Variants in DAB2IP observed in about 807,000 individuals in gnomAD.
DAB2IP encodes the protein DAB2 interacting protein.
DAB2IP carries 28 observed loss-of-function variants against 107.2 expected under a neutral mutation model. That is an observed-to-expected ratio of 0.26 (90% CI 0.19 to 0.36). The LOEUF (loss-of-function observed/expected upper bound fraction) is 0.36, where lower values mean the gene tolerates loss of function less well. Ranked by LOEUF, DAB2IP falls within the 10% of genes least tolerant of loss-of-function variation. The pLI, the probability that DAB2IP is intolerant of heterozygous loss-of-function variation, is 1.00. For missense variants in DAB2IP, 1,400 were observed against 1,644.7 expected (o/e 0.85, Z 2.57); for synonymous variants, 755 against 706.4 (o/e 1.07, Z -1.09).
At chr9:121,665,442 A>C (rs1024115143) in intron 1 of DAB2IP, among the ~76,000 whole-genome samples, 2 of 152,246 alleles carry the variant, frequency 1.3e-5, no homozygotes, top group African/African-American at 4.8e-5. Flanking sequence ...ATGAAAAATA[A>C]GATGAATTAA....
At chr9:121,770,356 G>A (rs893718784) in intron 10 of DAB2IP, among the ~76,000 whole-genome samples, 190 bp from the exon 11 acceptor site, 36 of 152,206 alleles carry the variant, frequency 2.4e-4, no homozygotes, top group Non-Finnish European at 5.0e-4. Context: ...CCGGGAGCTG[G>A]TTAAAAATGT....
intron 1 of DAB2IP, chr9:121,598,413 C>T (rs1830576066): frequency 6.6e-6 from 1 of 152,306 alleles, no homozygotes; most frequent in African/African-American, 2.4e-5. Flanking sequence ...TCACCCCGGG[C>T]CTGGCCCGGG....
intron 1 of DAB2IP, among the ~76,000 whole-genome samples, chr9:121,638,210 A>G (rs932487715): frequency 1.6e-4 from 24 of 152,344 alleles, no homozygotes; most frequent in African/African-American, 5.5e-4. Flanking sequence ...TGTACTGAAC[A>G]TGTACAGACT....
At chr9:121,705,820 A>G (rs563196239) in intron 3 of DAB2IP, among the ~76,000 whole-genome samples, 113 of 152,288 alleles carry the variant, frequency 7.4e-4, no homozygotes, top group African/African-American at 2.6e-3. Context: ...AGCCCTGCCT[A>G]TTTCCAGGCC....
Position 121,698,547 on chromosome 9 carries a change from C to T in DAB2IP, c.229-778C>T, listed in dbSNP as rs1231525524. 1.3e-5 allele frequency among the ~76,000 whole-genome samples: 2 copies of T among 152,226 alleles called. No homozygotes were observed. The highest frequency in any genetic ancestry group is 2.9e-5 in the Non-Finnish European group (2 of 68,034). On this transcript the variant is annotated intron_variant, in intron 2 of 15. Coordinates refer to ENST00000408936, the Ensembl canonical transcript of DAB2IP. This position sits in a 1 kb window ranked among gnomAD's most constrained non-coding sequence, Gnocchi z 4.1. ...TTTTAATGGGGATACTCAGCAAACCCTTCAGCCCCTCGGGCCCCTCCCTGA... is the reference window on the plus strand; with the variant it reads ...TTTTAATGGGGATACTCAGCAAACCTTTCAGCCCCTCGGGCCCCTCCCTGA...
intron 1 of DAB2IP, among the ~76,000 whole-genome samples, chr9:121,654,425 C>T (rs1832890382): frequency 6.6e-6 from 1 of 151,980 alleles, no homozygotes; most frequent in African/African-American, 2.4e-5. Flanking sequence ...GACCCTGTCT[C>T]AATATTGTTT....
At chr9:121,617,129 G>C (rs559551130) in intron 1 of DAB2IP, among the ~76,000 whole-genome samples, 70 of 152,234 alleles carry the variant, frequency 4.6e-4, no homozygotes, top group Admixed American at 1.1e-3. Flanking sequence ...AGGTCAGGAG[G>C]TCGAGACCAG....
intron 1 of DAB2IP, among the ~76,000 whole-genome samples, chr9:121,667,773 C>G (rs768066554): frequency 6.6e-6 from 1 of 152,088 alleles, no homozygotes; most frequent in Non-Finnish European, 1.5e-5. Flanking sequence ...GTTGGGATTA[C>G]AGGCGTGAGC....
At chr9:121,589,779 G>T (rs572183240) in intron 1 of DAB2IP, among the ~76,000 whole-genome samples, 1 of 152,280 alleles carries the variant, frequency 6.6e-6, no homozygotes, top group Admixed American at 6.5e-5. Context: ...TACATCCAGT[G>T]ACTGACCAAC....
chr9:121,623,582 G>A (rs1287943619), intron 1 of DAB2IP, among the ~76,000 whole-genome samples: 3 of 152,160 alleles, frequency 2.0e-5, no homozygotes, highest in South Asian at 2.1e-4. Context: ...TGCCCAGGCT[G>A]GTCTTGAACT....
intron 1 of DAB2IP, among the ~76,000 whole-genome samples, chr9:121,640,901 G>C (rs1832264334): frequency 6.6e-6 from 1 of 152,202 alleles, no homozygotes; most frequent in Non-Finnish European, 1.5e-5. Context: ...GGGCTGGTTT[G>C]GTAGTGAGCT....
chr9:121,594,771 A>AC (rs1830493791), intron 1 of DAB2IP, among the ~76,000 whole-genome samples: 1 of 152,172 alleles, frequency 6.6e-6, no homozygotes, highest in Admixed American at 6.5e-5. Context: ...CAGGACACAG[A>AC]CCCATAGCAA....
At chr9:121,642,639 CA>C (rs1832403557) in intron 1 of DAB2IP, among the ~76,000 whole-genome samples, 1 of 142,598 alleles carries the variant, frequency 7.0e-6, no homozygotes, top group Non-Finnish European at 1.5e-5. Context: ...AAAAAAAGAA[CA>C]GGGGCTTTGA....
chr9:121,678,694 G>C (rs767098352), exon 2 of DAB2IP: 2 of 1,576,080 alleles, frequency 1.3e-6, no homozygotes, highest in Admixed American at 1.8e-5. Flanking sequence ...CTCAAGAAAG[G>C]CCGGGCTCTC....
intron 3 of DAB2IP, among the ~76,000 whole-genome samples, chr9:121,708,080 T>C (rs1459137567): frequency 3.9e-5 from 6 of 152,210 alleles, no homozygotes; most frequent in African/African-American, 1.4e-4. Flanking sequence ...ACCCTCTGGG[T>C]GGGGTGGTCT....
rs369052031 is a variant in DAB2IP at position 121,777,399 on chromosome 9, A to G, written c.3314+1008A>G. Among the ~76,000 whole-genome samples the G allele has an allele frequency of 3.9e-5, 6 of 152,232 alleles. No individual in the cohort carries two copies. In the East Asian group the frequency reaches 9.6e-4, roughly 24 times the overall value. ...CATTATGAAATAGTTAACATGAGTG[A>G]AACCAGGGTGGCTAGAAACCTGCTG... On this transcript the variant is annotated intron_variant, in intron 14 of 15. Transcript: ENST00000408936.
intron 1 of DAB2IP, among the ~76,000 whole-genome samples, chr9:121,611,818 C>A (rs1056227777): frequency 6.6e-6 from 1 of 152,124 alleles, no homozygotes; most frequent in Non-Finnish European, 1.5e-5. Flanking sequence ...CTCCTGGCCT[C>A]AAGTGATCCA....
chr9:121,619,719 G>T (rs149858829), intron 1 of DAB2IP, among the ~76,000 whole-genome samples: 70 of 152,228 alleles, frequency 4.6e-4, no homozygotes, highest in Middle Eastern at 3.4e-3. Context: ...AATGATTTCC[G>T]GGAGCGCTTG....
intron 1 of DAB2IP, among the ~76,000 whole-genome samples, chr9:121,570,226 C>A (rs574784601): frequency 6.6e-6 from 1 of 151,380 alleles, no homozygotes; most frequent in Non-Finnish European, 1.5e-5. Flanking sequence ...CATCCTCCCA[C>A]CTCAGCCTCC....
Sources: allele counts gnomAD v4.1 joint callset (sites outside exome capture counted in the v4.1 genomes callset), GRCh38; gene constraint gnomAD v4.1.1; non-coding constraint Gnocchi (gnomAD v3.1); transcripts MANE v1.5; gene names NCBI Gene and HGNC (gene_info 2026-07-23, HGNC 2026-07-21).